The following CFAP52 variants were observed in gnomAD, a reference collection of about 807,000 sequenced individuals.
CFAP52 encodes cilia and flagella associated protein 52, also known as cilia- and flagella-associated protein 52.
CFAP52 carries 57 observed loss-of-function variants against 70.5 expected under a neutral mutation model. The observed-to-expected ratio is 0.81, with a 90% CI of 0.65 to 1.01. CFAP52 has a LOEUF of 1.01. Among genes scored for constraint, CFAP52 ranks in the 50% least tolerant of loss-of-function variants. The probability of loss-of-function intolerance (pLI) is 0.00; values close to 1 mark genes in which losing one functional copy is unlikely to be tolerated. For synonymous variants in CFAP52, 267 were observed against 292.5 expected (o/e 0.91, Z 0.89); for missense variants, 785 against 788.5 (o/e 1.00, Z 0.05).
rs1445578110 is a variant in CFAP52 at position 9,596,049 on chromosome 17, A to ATGTGTGTG, written c.536+1729_536+1730insGTGTGTGT. ...TACATATGTATATGTATGTAGATAT[A>ATGTGTGTG]TATGTGTGTGTATATATATATATAT... On this transcript the variant is annotated intron_variant, in intron 4 of 13. Transcript: ENST00000352665. Among the ~76,000 whole-genome samples the ATGTGTGTG allele has an allele frequency of 5.1e-3, 199 of 39,228 alleles. 2 individuals are homozygous for ATGTGTGTG. Among genetic ancestry groups the ATGTGTGTG allele is most frequent in the Middle Eastern group, 0.011 (1 of 90 alleles). The allele number at this position is 39,228 out of a possible 152,430, so 25.7% of individuals were successfully genotyped here. A position where few individuals can be genotyped will look rare whatever the true frequency, so the allele number is the denominator to read the frequency against.
chr17:9,604,750 AAAATAAATAAATAAATAAATAAAT>A (rs58770209), intron 6 of CFAP52, among the ~76,000 whole-genome samples: 5 of 135,028 alleles, frequency 3.7e-5, no homozygotes, highest in African/African-American at 5.4e-5. Flanking sequence ...ACTCTGTCTC[AAAATAAATAAATAAATAAATAAAT>A]AAATAAATAA....
chr17:9,592,290 C>T (rs1263318650), intron 3 of CFAP52, among the ~76,000 whole-genome samples: 1 of 152,006 alleles, frequency 6.6e-6, no homozygotes, highest in Non-Finnish European at 1.5e-5. Flanking sequence ...TAGTGAAACC[C>T]TGTCTCTACT....
chr17:9,628,282 CT>C (rs61617597), intron 8 of CFAP52, among the ~76,000 whole-genome samples: 3,993 of 139,050 alleles, frequency 0.029, 153 homozygotes, highest in African/African-American at 0.09. Context: ...TCCCTATATT[CT>C]TTTTTTTTTT....
intron 8 of CFAP52, among the ~76,000 whole-genome samples, chr17:9,626,598 T>G (rs777376498): frequency 6.6e-6 from 1 of 152,210 alleles, no homozygotes; most frequent in Non-Finnish European, 1.5e-5. Context: ...AGTACACCTC[T>G]TTAAGAGCTT....
intron 3 of CFAP52, among the ~76,000 whole-genome samples, chr17:9,592,816 T>C (rs1484201375): frequency 6.6e-6 from 1 of 152,236 alleles, no homozygotes; most frequent in Admixed American, 6.5e-5. Context: ...AATGGCGCTA[T>C]GAACATTCGT....
chr17:9,616,144 ACCGTGCGCGAG>A (rs1382094736), intron 8 of CFAP52, among the ~76,000 whole-genome samples: 1 of 141,824 alleles, frequency 7.1e-6, no homozygotes, highest in African/African-American at 3.1e-5. Flanking sequence ...GTGTGCGCGC[ACCGTGCGCGAG>A]CCGAAGCAGG....
chr17:9,635,538 G>C lies in CFAP52; in HGVS notation c.1454G>C (p.Cys485Ser). 2 of 1,614,208 alleles carry C rather than the reference G, an allele frequency of 1.2e-6. No homozygotes were observed. The highest frequency in any genetic ancestry group is 1.7e-6 in the Non-Finnish European group (2 of 1,180,048). Residue 485 changes from cysteine to serine, a missense_variant, in exon 11 of 14, where the codon TGT (cysteine) becomes TCT (serine). Cys to Ser is a moderately radical substitution (Grantham distance 112). Coordinates refer to ENST00000352665, the MANE Select transcript of CFAP52 (RefSeq NM_145054.5). The part of the protein sequence containing the change: ...ECVTASTDGT[C>S]IIWDLVRLRR... ...GTCACCGCCAGCACCGATGGGACTT[G>C]TATCATTTGGGACCTTGTGTAGGTA...
intron 1 of CFAP52, among the ~76,000 whole-genome samples, chr17:9,582,871 G>A (rs148827882): frequency 0.011 from 1,608 of 152,264 alleles, 13 homozygotes; most frequent in African/African-American, 0.035. Flanking sequence ...TCCCAGCCTC[G>A]AGTGATCTGC....
chr17:9,586,609 T>G, intron 2 of CFAP52, 89 bp from the exon 3 acceptor site: 7 of 1,374,026 alleles, frequency 5.1e-6, no homozygotes, highest in East Asian at 2.6e-5. Context: ...AAAGTGACAG[T>G]ACTAATTGTT....
At chr17:9,603,410 C>T (rs186713483) in intron 6 of CFAP52, among the ~76,000 whole-genome samples, 8 of 152,176 alleles carry the variant, frequency 5.3e-5, no homozygotes, top group African/African-American at 1.7e-4. Flanking sequence ...GGGGTTTCAC[C>T]GTGTTAGCCA....
chr17:9,635,068 G>C (rs987524580), intron 10 of CFAP52, among the ~76,000 whole-genome samples: 1 of 152,168 alleles, frequency 6.6e-6, no homozygotes, highest in Non-Finnish European at 1.5e-5. Flanking sequence ...GCAGTGATCA[G>C]CAAAAGTGAA....
chr17:9,581,411 A>G (rs1437893294), intron 1 of CFAP52, among the ~76,000 whole-genome samples: 1 of 152,238 alleles, frequency 6.6e-6, no homozygotes, highest in South Asian at 2.1e-4. Context: ...ATAGATGTAT[A>G]TAAACTAATG....
At chr17:9,636,089 G>A (rs749947245) in intron 11 of CFAP52, among the ~76,000 whole-genome samples, 20 of 151,754 alleles carry the variant, frequency 1.3e-4, no homozygotes, top group Non-Finnish European at 2.5e-4. Flanking sequence ...CAGGAGAGTC[G>A]CTTGAACCCA....
intron 3 of CFAP52, among the ~76,000 whole-genome samples, chr17:9,588,539 G>A (rs1261311265): frequency 6.6e-6 from 1 of 152,124 alleles, no homozygotes; most frequent in Non-Finnish European, 1.5e-5. Flanking sequence ...CCTGCCTACA[G>A]CCCCCGAGTG....
At chr17:9,641,879 C>T (rs368322610) in intron 13 of CFAP52, 44 bp downstream of exon 13, 61 of 1,548,432 alleles carry the variant, frequency 3.9e-5, no homozygotes, top group South Asian at 1.8e-4. Flanking sequence ...CTTATTTAGA[C>T]GAGGACATGG....
At chr17:9,625,671 A>C (rs1304185786) in intron 8 of CFAP52, among the ~76,000 whole-genome samples, 1 of 152,200 alleles carries the variant, frequency 6.6e-6, no homozygotes, top group African/African-American at 2.4e-5. Flanking sequence ...AGAAAGCCAC[A>C]TGCTAACAAT....
At chr17:9,586,660 T>C (rs746423900) in intron 2 of CFAP52, 38 bp from the exon 3 acceptor site, 8 of 1,559,954 alleles carry the variant, frequency 5.1e-6, no homozygotes, top group African/African-American at 2.8e-5. Context: ...ATGCTTTTAA[T>C]GCCTCCCTAT....
Position 9,590,348 on chromosome 17 carries a change from G to T in CFAP52, c.407+3514G>T. 3 of 185,052 alleles carry T rather than the reference G, an allele frequency of 1.6e-5. No individual in the cohort carries two copies. The South Asian group carries it at 3.7e-4, about 23-fold the overall frequency. The allele number at this position is 185,052 out of a possible 1,614,324, so 11.5% of individuals were successfully genotyped here. ...GCTTATGGATAATTAGCCCATCTTTGATCAGCTTCCAGATCTGCTGGTGGG... is the reference window on the plus strand; with the variant it reads ...GCTTATGGATAATTAGCCCATCTTTTATCAGCTTCCAGATCTGCTGGTGGG... On this transcript the variant is annotated intron_variant, in intron 3 of 13. Transcript: ENST00000352665.
chr17:9,595,021 C>T (rs1597772447), intron 4 of CFAP52, among the ~76,000 whole-genome samples: 1 of 150,920 alleles, frequency 6.6e-6, no homozygotes, highest in East Asian at 2.0e-4. Context: ...CTCCCAAGTA[C>T]CTGGGATTAC....
Sources: gnomAD v4.1 joint callset for allele counts (sites outside exome capture counted in the v4.1 genomes callset) on GRCh38, gnomAD v4.1.1 for gene constraint, MANE v1.5 for transcripts, NCBI Gene and HGNC (gene_info 2026-07-23, HGNC 2026-07-21) for gene names.